EDA: variants seen among roughly 807,000 people sequenced by gnomAD.
The protein encoded by EDA is ectodysplasin A, also known as ectodysplasin-A.
Under a neutral mutation model 23.6 loss-of-function variants are expected in EDA, and 2 were observed. The ratio of observed to expected loss-of-function variants is 0.08; its 90% CI spans 0.03 to 0.27. The LOEUF (loss-of-function observed/expected upper bound fraction) is 0.27, where lower values mean the gene tolerates loss of function less well. EDA is among the 10% of genes least tolerant of loss of function. The pLI is 1.00. For synonymous variants in EDA, 131 were observed against 132.0 expected, an observed-to-expected ratio of 0.99 and a Z score of 0.05; for missense variants, 229 against 324.2, an observed-to-expected ratio of 0.71 and a Z score of 2.26.
chrX:69,661,891 T>G (rs1933521558), intron 1 of EDA, among the ~76,000 whole-genome samples: 2 of 112,172 alleles, frequency 1.8e-5, no homozygotes, highest in Admixed American at 1.9e-4. Flanking sequence ...GGGATACATA[T>G]ACATAGTAAA....
chrX:69,787,983 G>T (rs1317133659), intron 1 of EDA, among the ~76,000 whole-genome samples: 3 of 111,311 alleles, frequency 2.7e-5, no homozygotes, highest in African/African-American at 9.8e-5. Flanking sequence ...TGGAGGCTTT[G>T]TTCATTTCTT....
At chrX:69,937,680 A>G (rs1430552639) in intron 1 of EDA, 43 of 1,122,787 alleles carry the variant, frequency 3.8e-5, no homozygotes, top group Non-Finnish European at 4.8e-5. Context: ...TAGTAGCTCT[A>G]TAGAGTTCTG....
At chrX:69,770,678 C>G (rs756876138) in intron 1 of EDA, among the ~76,000 whole-genome samples, 1 of 111,218 alleles carries the variant, frequency 9.0e-6, no homozygotes, top group Admixed American at 9.6e-5. Flanking sequence ...TGTAGCTTGT[C>G]TTTTCATCCC....
At chrX:69,910,372 AGAGTGTGTGTGTGTGT>A (rs1300427217) in intron 1 of EDA, among the ~76,000 whole-genome samples, 51 of 51,448 alleles carry the variant, frequency 9.9e-4, no homozygotes, top group African/African-American at 3.3e-3. Flanking sequence ...AGAGAGAGAG[AGAGTGTGTGTGTGTGT>A]GTGTGTGTGT....
In EDA at chrX:69,927,407, A is replaced by G. The variant is rs776304979; in HGVS notation, c.397-29620A>G. 4.0e-3 allele frequency among the ~76,000 whole-genome samples: 448 copies of G among 111,672 alleles called. 3 individuals carry two copies. Among genetic ancestry groups the G allele is most frequent in the Non-Finnish European group, 6.6e-3 (351 of 53,113 alleles). On this transcript the variant is annotated intron_variant, in intron 1 of 7. Transcript: ENST00000374552. ...AAAGGATTTTATTTCTCCTTTGCTT[A>G]TGAAGCTTAGTTTGGCTGGATATGA... is the stretch of plus-strand genomic sequence containing the variant.
At chrX:69,793,277 T>A (rs1003189906) in intron 1 of EDA, among the ~76,000 whole-genome samples, 4 of 111,961 alleles carry the variant, frequency 3.6e-5, no homozygotes, top group Non-Finnish European at 7.5e-5. Flanking sequence ...AGTTTTATTT[T>A]GTAGTTTGCA....
intron 1 of EDA, among the ~76,000 whole-genome samples, chrX:69,794,631 G>A (rs1435235214): frequency 8.9e-6 from 1 of 112,455 alleles, no homozygotes. Context: ...TAGAGTGAAT[G>A]CGTGGAGACC....
intron 1 of EDA, among the ~76,000 whole-genome samples, chrX:69,684,589 G>C (rs1300321407): frequency 1.8e-5 from 2 of 111,831 alleles, no homozygotes; most frequent in Non-Finnish European, 3.8e-5. Flanking sequence ...ACTCCTTCCT[G>C]AGTTACAATC....
intron 1 of EDA, among the ~76,000 whole-genome samples, chrX:69,772,975 A>C (rs2014679994): frequency 9.0e-6 from 1 of 111,612 alleles, no homozygotes; most frequent in Non-Finnish European, 1.9e-5. Flanking sequence ...CATTGCTACT[A>C]ATTCCAGAAT....
chrX:69,823,634 C>T (rs2016307215), intron 1 of EDA, among the ~76,000 whole-genome samples: 1 of 92,762 alleles, frequency 1.1e-5, no homozygotes, highest in Non-Finnish European at 2.1e-5. Context: ...AAATTTTCTC[C>T]CATTCTGTAG....
At chrX:69,818,269 G>C (rs761585073) in intron 1 of EDA, among the ~76,000 whole-genome samples, 8 of 111,364 alleles carry the variant, frequency 7.2e-5, no homozygotes, top group Non-Finnish European at 1.3e-4. Flanking sequence ...CAGAAATTCA[G>C]AAAGATCTCA....
intron 1 of EDA, among the ~76,000 whole-genome samples, chrX:69,702,533 G>T (rs923487634): frequency 9.0e-6 from 1 of 110,518 alleles, no homozygotes; most frequent in African/African-American, 3.3e-5. Context: ...CAGCTGAGAG[G>T]ATGGCAACTG....
chrX:69,682,895 G>C (rs1261570713), intron 1 of EDA, among the ~76,000 whole-genome samples: 1 of 111,286 alleles, frequency 9.0e-6, no homozygotes, highest in Non-Finnish European at 1.9e-5. Flanking sequence ...GCTGCTCCTT[G>C]AGTTTAGTGT....
intron 1 of EDA, among the ~76,000 whole-genome samples, chrX:69,713,638 C>T (rs1480627427): frequency 8.9e-6 from 1 of 111,804 alleles, no homozygotes; most frequent in African/African-American, 3.2e-5. Flanking sequence ...TGGGGATTTA[C>T]TTTTTTTCAC....
At chrX:70,007,013 T>A (rs1345634567) in intron 2 of EDA, among the ~76,000 whole-genome samples, 1 of 111,756 alleles carries the variant, frequency 8.9e-6, no homozygotes, top group Non-Finnish European at 1.9e-5. Flanking sequence ...AAAAAAACTA[T>A]CCCTTCTCCA....
chrX:69,995,072 C>T (rs1409658199), intron 2 of EDA, among the ~76,000 whole-genome samples: 3 of 112,152 alleles, frequency 2.7e-5, no homozygotes, highest in Non-Finnish European at 5.6e-5. Context: ...TTATAAACAA[C>T]ACATGTCAAA....
intron 1 of EDA, among the ~76,000 whole-genome samples, chrX:69,949,531 T>G (rs1179265196): frequency 9.0e-6 from 1 of 111,665 alleles, no homozygotes; most frequent in Non-Finnish European, 1.9e-5. Flanking sequence ...TGATGTACAC[T>G]GAAGTTTGAG....
intron 1 of EDA, among the ~76,000 whole-genome samples, chrX:69,651,724 A>G (rs1401004439): frequency 4.5e-5 from 5 of 111,482 alleles, no homozygotes; most frequent in Non-Finnish European, 9.4e-5. Flanking sequence ...AGGATAATCT[A>G]TAGAGTAGAG....
At chrX:69,619,713 T>C (rs760943108) in intron 1 of EDA, among the ~76,000 whole-genome samples, 1 of 111,915 alleles carries the variant, frequency 8.9e-6, no homozygotes, top group Non-Finnish European at 1.9e-5. Context: ...CTCATTTGTG[T>C]CTGAATTAGG....
Sources: allele counts gnomAD v4.1 joint callset (sites outside exome capture counted in the v4.1 genomes callset), GRCh38; gene constraint gnomAD v4.1.1; transcripts MANE v1.5; gene names NCBI Gene and HGNC (gene_info 2026-07-23, HGNC 2026-07-21).